SLC22A23: variants seen among roughly 807,000 people sequenced by gnomAD.
The protein encoded by SLC22A23 is solute carrier family 22 member 23.
SLC22A23 carries 26 observed loss-of-function variants against 61.0 expected under a neutral mutation model. That is an observed-to-expected ratio of 0.43 (90% confidence interval 0.31 to 0.59). SLC22A23 has a LOEUF of 0.59. SLC22A23 is among the 20% of genes least tolerant of loss of function. The pLI is 0.11. For synonymous variants in SLC22A23, 430 were observed against 413.9 expected (o/e 1.04, Z -0.47); for missense variants, 796 against 934.7 (o/e 0.85, Z 1.94).
Position 3,454,277 on chromosome 6 carries a change from T to C in SLC22A23, c.654+1629A>G, listed in dbSNP as rs1410196790. On this transcript the variant is annotated intron_variant, in intron 1 of 9. Coordinates refer to ENST00000406686, the MANE Select transcript of SLC22A23 (RefSeq NM_015482.2). The surrounding 1 kb of genome is among the most constrained non-coding windows in gnomAD (Gnocchi z 4.3). ...CCAATATGCCTCCATAGTCTGCTTT[T>C]AAGAACTATTTTTGTTCTCTCCTCC... 2.6e-5 allele frequency among the ~76,000 whole-genome samples: 4 copies of C among 152,156 alleles called. No homozygotes were observed. The highest frequency in any genetic ancestry group is 9.7e-5 in the African/African-American group (4 of 41,414).
intron 6 of SLC22A23, among the ~76,000 whole-genome samples, chr6:3,287,516 C>T (rs1489634810): frequency 1.3e-5 from 2 of 152,092 alleles, no homozygotes; most frequent in Non-Finnish European, 2.9e-5. Context: ...ACGAGGCTCT[C>T]GGCGGGTAAG....
intron 3 of SLC22A23, among the ~76,000 whole-genome samples, chr6:3,337,385 T>G (rs2127417514): frequency 6.6e-6 from 1 of 151,456 alleles, no homozygotes; most frequent in East Asian, 1.9e-4. Flanking sequence ...AGGTGCCAGG[T>G]ACTGGGCACA....
intron 2 of SLC22A23, among the ~76,000 whole-genome samples, chr6:3,415,544 G>A (rs887982634): frequency 5.9e-5 from 9 of 152,204 alleles, no homozygotes; most frequent in Admixed American, 1.3e-4. Context: ...AGAGAATTGC[G>A]TTGAATTTAA....
chr6:3,335,351 G>A (rs1436148346), intron 3 of SLC22A23, among the ~76,000 whole-genome samples: 1 of 152,156 alleles, frequency 6.6e-6, no homozygotes, highest in Admixed American at 6.5e-5. Context: ...TCTTGTTTTT[G>A]ACAGAGCTTG....
chr6:3,434,366 A>T (rs1328250386), intron 1 of SLC22A23, among the ~76,000 whole-genome samples: 2 of 151,704 alleles, frequency 1.3e-5, no homozygotes, highest in Non-Finnish European at 2.9e-5. Context: ...CTGCAATCCT[A>T]GCACTTTGGG....
intron 1 of SLC22A23, among the ~76,000 whole-genome samples, chr6:3,442,167 G>A (rs1466043544): frequency 1.3e-5 from 2 of 152,166 alleles, no homozygotes; most frequent in African/African-American, 4.8e-5. Context: ...TGAGCGACAT[G>A]AGCCAGTCAC....
chr6:3,439,273 TGTTCTCTGGGAGCAAAATCATACCCC>T (rs1309670676), intron 1 of SLC22A23: 4 of 439,198 alleles, frequency 9.1e-6, no homozygotes, highest in South Asian at 4.9e-5. Flanking sequence ...CATTGCCGAA[TGTTCTCTGGGAGCAAAATCATACCCC>T]GTGGAAAGTG....
At chr6:3,452,952 A>G (rs965650) in intron 1 of SLC22A23, among the ~76,000 whole-genome samples, 126,386 of 152,152 alleles carry the variant, frequency 0.83, 53,220 homozygotes, top group African/African-American at 0.96. Flanking sequence ...GGAAAACAAC[A>G]TTGGAGGGGT....
At chr6:3,449,242 C>T (rs1161216884) in intron 1 of SLC22A23, among the ~76,000 whole-genome samples, 1 of 152,130 alleles carries the variant, frequency 6.6e-6, no homozygotes, top group Non-Finnish European at 1.5e-5. Flanking sequence ...CATAGGATTT[C>T]CCCCCAGTCT....
intron 3 of SLC22A23, among the ~76,000 whole-genome samples, chr6:3,334,827 C>T (rs923162159): frequency 3.9e-5 from 6 of 152,188 alleles, no homozygotes; most frequent in Non-Finnish European, 5.9e-5. Flanking sequence ...TGCACACTGC[C>T]AGTCTGCAGC....
chr6:3,398,264 C>G (rs968314160), intron 3 of SLC22A23, among the ~76,000 whole-genome samples: 23 of 152,056 alleles, frequency 1.5e-4, no homozygotes, highest in Non-Finnish European at 2.9e-5. Flanking sequence ...CCCTTAATTC[C>G]TAACCCTACC....
rs540692686 is a variant in SLC22A23 at position 3,418,894 on chromosome 6, G to GT, written c.655-3040dup. Among the ~76,000 whole-genome samples, 16 of 152,322 alleles carry GT rather than the reference G, an allele frequency of 1.1e-4. No homozygotes were observed. In the East Asian group the frequency reaches 2.7e-3, roughly 26 times the overall value. On this transcript the variant is annotated intron_variant, in intron 1 of 9. Transcript: ENST00000406686. ...GGGAACCCATGGCACCGACACCCTT[G>GT]TTTGACTTCTGCTTCTGGTATTGAC...
In SLC22A23 at chr6:3,308,206, TAAAAG is replaced by T. The variant is rs891494483; in HGVS notation, c.1083-9993_1083-9989del. ...TATGTTACGTGTATTTTACCACAATTAAAAGAAAATATTACAGAGAAGACGAAAGC... is the reference window on the plus strand; with the variant it reads ...TATGTTACGTGTATTTTACCACAATTAAAATATTACAGAGAAGACGAAAGC... On this transcript the variant is annotated intron_variant, in intron 4 of 9. Transcript: ENST00000406686. This position sits in a 1 kb window ranked among gnomAD's most constrained non-coding sequence, Gnocchi z 5.1. 2.6e-5 allele frequency among the ~76,000 whole-genome samples: 4 copies of T among 152,054 alleles called. No homozygotes were observed. Among genetic ancestry groups the T allele is most frequent in the Admixed American group, 1.3e-4 (2 of 15,262 alleles).
In SLC22A23 at chr6:3,287,019, C is replaced by T; in HGVS notation, c.1386G>A (p.Leu462=). ...TATAGTAGTCAGCATAGAAGTTCTC[C>T]AGGAGCGGCACCTTCACCTCGTGGC... The part of the protein sequence containing the change: ...MMGHEVKVPL[L]ENFYADYYTT... The change falls in exon 7 of 10, where the codon CTG becomes CTA. Residue 462 remains leucine, a synonymous_variant. Coordinates refer to ENST00000406686, the MANE Select transcript of SLC22A23 (RefSeq NM_015482.2). The T allele has an allele frequency of 2.5e-6, 4 of 1,614,228 alleles. No individual in the cohort carries two copies. The highest frequency in any genetic ancestry group is 3.4e-6 in the Non-Finnish European group (4 of 1,180,050).
intron 1 of SLC22A23, among the ~76,000 whole-genome samples, chr6:3,445,557 C>G (rs960961548): frequency 6.6e-6 from 1 of 152,144 alleles, no homozygotes; most frequent in African/African-American, 2.4e-5. Context: ...ATGGTGTTAA[C>G]CTCATAAAGT....
At chr6:3,298,904 G>A (rs977353689) in intron 4 of SLC22A23, among the ~76,000 whole-genome samples, 5 of 149,880 alleles carry the variant, frequency 3.3e-5, no homozygotes, top group African/African-American at 7.5e-5. Flanking sequence ...CCCGGGAAGC[G>A]GAGCTTGCAG....
At chr6:3,434,403 G>A (rs1771069630) in intron 1 of SLC22A23, among the ~76,000 whole-genome samples, 1 of 151,970 alleles carries the variant, frequency 6.6e-6, no homozygotes, top group Non-Finnish European at 1.5e-5. Context: ...AAGGTCAGGA[G>A]ATCGAGACCA....
At chr6:3,337,543 C>T (rs1050644525) in intron 3 of SLC22A23, among the ~76,000 whole-genome samples, 1 of 151,458 alleles carries the variant, frequency 6.6e-6, no homozygotes, top group Non-Finnish European at 1.5e-5. Context: ...CTCCCATAAA[C>T]GCAGTTAGCA....
chr6:3,454,582 T>C lies in SLC22A23; in HGVS notation c.654+1324A>G, dbSNP rs1474107994. Among the ~76,000 whole-genome samples, 1 of 152,156 alleles carries C rather than the reference T, an allele frequency of 6.6e-6. No homozygotes were observed. The highest frequency in any genetic ancestry group is 2.4e-5 in the African/African-American group (1 of 41,418). The stretch of plus-strand genomic sequence containing the variant: ...CTTTGCTGCTAAACCAACAAAGAAA[T>C]ATTGCCCTCCGTGAAGGGAAAACAG... On this transcript the variant is annotated intron_variant, in intron 1 of 9. Transcript: ENST00000406686. The surrounding 1 kb of genome is among the most constrained non-coding windows in gnomAD (Gnocchi z 4.3).
Sources: gnomAD v4.1 joint callset for allele counts (sites outside exome capture counted in the v4.1 genomes callset) on GRCh38, gnomAD v4.1.1 for gene constraint, Gnocchi (gnomAD v3.1) non-coding constraint, MANE v1.5 for transcripts, NCBI Gene and HGNC (gene_info 2026-07-23, HGNC 2026-07-21) for gene names.